The following LUZP2 variants were observed in gnomAD, a reference collection of about 807,000 sequenced individuals.
LUZP2 encodes leucine zipper protein 2.
In LUZP2, 52 loss-of-function variants were observed where a neutral mutation model predicts 51.6. The ratio of observed to expected loss-of-function variants is 1.01; its 90% CI spans 0.81 to 1.27. The LOEUF (loss-of-function observed/expected upper bound fraction) is 1.27. Ranked by LOEUF, LUZP2 falls within the 50% of genes most tolerant of loss-of-function variation. The pLI, the probability that LUZP2 is intolerant of heterozygous loss-of-function variation, is 0.00. For synonymous variants in LUZP2, 154 were observed against 137.3 expected, an observed-to-expected ratio of 1.12 and a Z score of -0.85; for missense variants, 436 against 395.4, an observed-to-expected ratio of 1.10 and a Z score of -0.87.
chr11:24,871,357 A>C (rs996319574), intron 5 of LUZP2, among the ~76,000 whole-genome samples: 14 of 152,042 alleles, frequency 9.2e-5, no homozygotes, highest in African/African-American at 3.1e-4. Context: ...GTTTTCTTTC[A>C]TCTGGTTTTC....
intron 9 of LUZP2, among the ~76,000 whole-genome samples, chr11:25,017,956 C>T (rs1857204918): frequency 6.6e-6 from 1 of 151,708 alleles, no homozygotes; most frequent in South Asian, 2.1e-4. Flanking sequence ...TAATTTCTTT[C>T]AGAGTTGTTT....
intron 7 of LUZP2, among the ~76,000 whole-genome samples, chr11:24,924,981 T>G (rs969234922): frequency 1.3e-5 from 2 of 152,074 alleles, no homozygotes; most frequent in Non-Finnish European, 2.9e-5. Flanking sequence ...GGTGCCAAAC[T>G]CTTAGTTAAT....
intron 5 of LUZP2, among the ~76,000 whole-genome samples, chr11:24,806,525 CA>C (rs1849860797): frequency 1.3e-5 from 2 of 152,038 alleles, no homozygotes; most frequent in Admixed American, 6.5e-5. Flanking sequence ...CTTATTTTTA[CA>C]AGGGAGGAGC....
At chr11:24,990,127 T>G (rs1856296307) in intron 9 of LUZP2, among the ~76,000 whole-genome samples, 2 of 152,028 alleles carry the variant, frequency 1.3e-5, no homozygotes, top group Admixed American at 6.6e-5. Flanking sequence ...CTAGCAAAAT[T>G]ACAGATTGTT....
chr11:24,747,288 G>A (rs767705153), intron 4 of LUZP2, among the ~76,000 whole-genome samples: 3 of 152,108 alleles, frequency 2.0e-5, no homozygotes, highest in African/African-American at 4.8e-5. Context: ...TCATTCCTGT[G>A]AGCCTAGCTG....
At chr11:24,605,503 A>G (rs556628434) in intron 1 of LUZP2, among the ~76,000 whole-genome samples, 4 of 151,710 alleles carry the variant, frequency 2.6e-5, no homozygotes, top group African/African-American at 9.7e-5. Context: ...ATATATCTCA[A>G]TATTTTATTT....
intron 5 of LUZP2, among the ~76,000 whole-genome samples, chr11:24,790,212 GT>G (rs1365058309): frequency 6.6e-6 from 1 of 151,856 alleles, no homozygotes; most frequent in Non-Finnish European, 1.5e-5. Context: ...CCTTTTTACA[GT>G]AAAATGCTTT....
At chr11:24,602,032 A>C (rs1020732894) in intron 1 of LUZP2, among the ~76,000 whole-genome samples, 2 of 143,902 alleles carry the variant, frequency 1.4e-5, no homozygotes, top group African/African-American at 5.1e-5. Context: ...ATGTGTATAT[A>C]TGTATATCTG....
chr11:24,503,949 T>TAAGCAGTTG (rs149573728), intron 1 of LUZP2, among the ~76,000 whole-genome samples: 9,000 of 152,236 alleles, frequency 0.059, 340 homozygotes, highest in Middle Eastern at 0.11. Context: ...ATTACAGTAA[T>TAAGCAGTTG]AAGCAGTTGA....
intron 1 of LUZP2, among the ~76,000 whole-genome samples, chr11:24,562,509 G>A (rs992546212): frequency 2.0e-5 from 3 of 151,610 alleles, no homozygotes; most frequent in South Asian, 4.2e-4. Context: ...AGAGAATTTC[G>A]AGATAGATGT....
rs927063017 is a variant in LUZP2 at position 24,991,431 on chromosome 11, T to C, written c.765+8138T>C. 6.2e-4 allele frequency among the ~76,000 whole-genome samples: 88 copies of C among 142,476 alleles called. 1 individual carries two copies. Among genetic ancestry groups the C allele is most frequent in the East Asian group, 3.1e-3 (14 of 4,572 alleles). The allele number at this position is 142,476 out of a possible 152,430, so 93.5% of individuals were successfully genotyped here. On this transcript the variant is annotated intron_variant, in intron 9 of 11. Coordinates refer to ENST00000336930, the MANE Select transcript of LUZP2 (RefSeq NM_001009909.4). Reference sequence around the variant, plus strand: ...ATATATATATATATTCCATCATATATATACATATATCTCTCACAGTTTCTT... The same window carrying C: ...ATATATATATATATTCCATCATATACATACATATATCTCTCACAGTTTCTT...
chr11:24,726,873 A>G (rs545788392), intron 1 of LUZP2, among the ~76,000 whole-genome samples: 1 of 152,186 alleles, frequency 6.6e-6, no homozygotes, highest in East Asian at 1.9e-4. Context: ...AAAATCCAAT[A>G]AAATGTTAGC....
At chr11:25,025,185 TA>T (rs1857454620) in intron 9 of LUZP2, among the ~76,000 whole-genome samples, 1 of 151,982 alleles carries the variant, frequency 6.6e-6, no homozygotes, top group South Asian at 2.1e-4. Flanking sequence ...CCTAAAACCA[TA>T]AAAACCCTAG....
intron 7 of LUZP2, among the ~76,000 whole-genome samples, chr11:24,962,991 T>C (rs1855462786): frequency 6.6e-6 from 1 of 152,236 alleles, no homozygotes; most frequent in Admixed American, 6.5e-5. Context: ...GACAGGACCG[T>C]CAGCTGCAGG....
chr11:24,947,301 A>G (rs1166861032), intron 7 of LUZP2, among the ~76,000 whole-genome samples: 2 of 151,960 alleles, frequency 1.3e-5, no homozygotes, highest in African/African-American at 4.8e-5. Context: ...TCCTCTTCAC[A>G]CTGAATACTA....
intron 1 of LUZP2, among the ~76,000 whole-genome samples, chr11:24,637,606 G>A (rs939036454): frequency 6.6e-6 from 1 of 151,710 alleles, no homozygotes; most frequent in African/African-American, 2.4e-5. Flanking sequence ...ATTCCTGGGG[G>A]GCGGTCTATG....
intron 2 of LUZP2, among the ~76,000 whole-genome samples, chr11:24,729,583 A>G (rs761097297): frequency 2.0e-5 from 3 of 151,942 alleles, no homozygotes; most frequent in Non-Finnish European, 4.4e-5. Context: ...ACAAATTATG[A>G]TCAAGACTTA....
rs532492916 is a variant in LUZP2, at chr11:25,007,547, G to A, written c.765+24254G>A. Reference sequence around the variant, plus strand: ...GAACCTGGGAGGTAAAGGTTGCAGTGGGCCGAGCTCACACCACTGTACTCC... The same window carrying A: ...GAACCTGGGAGGTAAAGGTTGCAGTAGGCCGAGCTCACACCACTGTACTCC... On this transcript the variant is annotated intron_variant, in intron 9 of 11. Transcript: ENST00000336930. Among the ~76,000 whole-genome samples, 27 of 152,188 alleles carry A rather than the reference G, an allele frequency of 1.8e-4. No individual in the cohort carries two copies. In the South Asian group the frequency reaches 5.2e-3, roughly 29 times the overall value.
intron 9 of LUZP2, among the ~76,000 whole-genome samples, chr11:24,998,608 C>G (rs1000556643): frequency 6.6e-6 from 1 of 152,124 alleles, no homozygotes; most frequent in Non-Finnish European, 1.5e-5. Context: ...AAATAAAAAT[C>G]AGATTTTTAG....
Sources: allele counts gnomAD v4.1 joint callset (sites outside exome capture counted in the v4.1 genomes callset), GRCh38; gene constraint gnomAD v4.1.1; transcripts MANE v1.5; gene names NCBI Gene and HGNC (gene_info 2026-07-23, HGNC 2026-07-21).